The following RYR3 variants were observed in gnomAD, a reference collection of about 807,000 sequenced individuals.
RYR3 encodes ryanodine receptor 3, also known as brain ryanodine receptor-calcium release channel.
RYR3 carries 207 observed loss-of-function variants against 584.3 expected under a neutral mutation model. That is an observed-to-expected ratio of 0.35 (90% CI 0.32 to 0.40). The LOEUF is 0.40. Among genes scored for constraint, RYR3 ranks in the 10% least tolerant of loss-of-function variants. The pLI is 1.00. For synonymous variants in RYR3, 2,416 were observed against 2,248.5 expected (o/e 1.07, Z -2.11); for missense variants, 5,616 against 6,089.2 (o/e 0.92, Z 2.59).
chr15:33,319,017 C>T (rs1264557918), intron 1 of RYR3, among the ~76,000 whole-genome samples: 1 of 152,212 alleles, frequency 6.6e-6, no homozygotes, highest in East Asian at 1.9e-4. Flanking sequence ...TATCCCCTAA[C>T]AGAGCAAATA....
At chr15:33,748,426 G>A (rs368980578) in intron 54 of RYR3, 42 bp from the exon 55 acceptor site, 1 of 1,598,860 alleles carries the variant, frequency 6.3e-7, no homozygotes, top group African/African-American at 1.3e-5. Context: ...TAAGAACAAG[G>A]AAAATAATGG....
At chr15:33,689,643 A>G (rs1393363209) in intron 38 of RYR3, among the ~76,000 whole-genome samples, 1 of 152,140 alleles carries the variant, frequency 6.6e-6, no homozygotes, top group Admixed American at 6.5e-5. Flanking sequence ...ATGGAGGCTT[A>G]TTCTAGAAAT....
intron 1 of RYR3, among the ~76,000 whole-genome samples, chr15:33,469,516 G>A (rs1346073507): frequency 2.6e-5 from 4 of 151,860 alleles, no homozygotes; most frequent in African/African-American, 9.7e-5. Flanking sequence ...CATTTGCTGT[G>A]ATACAGGAAA....
At chr15:33,516,190 C>G (rs527560774) in intron 3 of RYR3, among the ~76,000 whole-genome samples, 1 of 152,030 alleles carries the variant, frequency 6.6e-6, no homozygotes, top group Non-Finnish European at 1.5e-5. Context: ...TTTCTGTATT[C>G]CAGCTTCCCC....
intron 38 of RYR3, among the ~76,000 whole-genome samples, chr15:33,677,180 T>A (rs1033022967): frequency 6.6e-6 from 1 of 152,118 alleles, no homozygotes; most frequent in Non-Finnish European, 1.5e-5. Context: ...GGACCCACAC[T>A]CTTTCCAGAG....
chr15:33,533,515 A>T, intron 5 of RYR3, 126 bp downstream of exon 5: 1 of 619,464 alleles, frequency 1.6e-6, no homozygotes, highest in Admixed American at 2.6e-5. Context: ...ATAGGTCTGA[A>T]AAAAAATTGC....
At chr15:33,833,655 A>T (rs2077839550) in intron 86 of RYR3, among the ~76,000 whole-genome samples, 1 of 152,236 alleles carries the variant, frequency 6.6e-6, no homozygotes, top group Non-Finnish European at 1.5e-5. Context: ...GCACGAACCC[A>T]AAAGTAAAGG....
rs771903948 is a variant in RYR3, at chr15:33,473,527, T to G, written c.160T>G (p.Ser54Ala). 5.6e-6 allele frequency: 9 copies of G among 1,613,888 alleles called. No homozygotes were observed. The highest frequency in any genetic ancestry group is 7.6e-6 in the Non-Finnish European group (9 of 1,179,876). Reference sequence around the variant, plus strand: ...TCGCCTGTGCTTCTTGGAACCCACTTCAGAAGCCAAGGTGAGATTGGCTGT... The same window carrying G: ...TCGCCTGTGCTTCTTGGAACCCACTGCAGAAGCCAAGGTGAGATTGGCTGT... Reference protein sequence around the residue: ...GNRLCFLEPTSEAKYIPPDLC... With the variant: ...GNRLCFLEPTAEAKYIPPDLC... Residue 54 changes from serine (S) to alanine (A), a missense_variant, in exon 2 of 104, where the codon TCA (serine) becomes GCA (alanine). Physicochemically the swap from Ser to Ala is moderately conservative, Grantham distance 99. Coordinates refer to ENST00000634891, the MANE Select transcript of RYR3 (RefSeq NM_001036.6).
intron 1 of RYR3, among the ~76,000 whole-genome samples, chr15:33,436,589 C>T (rs1326370026): frequency 6.6e-6 from 1 of 151,746 alleles, no homozygotes; most frequent in Non-Finnish European, 1.5e-5. Context: ...CAACCTCCGC[C>T]TCCCGGGTTC....
intron 1 of RYR3, among the ~76,000 whole-genome samples, chr15:33,431,571 T>A (rs560874787): frequency 6.6e-5 from 10 of 152,078 alleles, no homozygotes; most frequent in Admixed American, 3.9e-4. Flanking sequence ...GAGACCAGCT[T>A]GGGCAACATG....
chr15:33,670,594 T>A (rs771616935), intron 38 of RYR3, 38 bp downstream of exon 38: 9 of 1,521,824 alleles, frequency 5.9e-6, no homozygotes, highest in Non-Finnish European at 7.9e-6. Context: ...TGTGCTCTTC[T>A]AAGACTTAAT....
intron 43 of RYR3, among the ~76,000 whole-genome samples, chr15:33,720,201 AG>A (rs2067808297): frequency 6.6e-6 from 1 of 152,226 alleles, no homozygotes; most frequent in South Asian, 2.1e-4. Context: ...ACAGTGCAAA[AG>A]CTTGAGTGAT....
intron 103 of RYR3, 44 bp downstream of exon 103, chr15:33,864,233 C>CTA: frequency 6.7e-7 from 1 of 1,499,722 alleles, no homozygotes; most frequent in Non-Finnish European, 9.2e-7. Context: ...TCTCCCTTTC[C>CTA]TAAATCTTGA....
chr15:33,467,598 C>T (rs2048590671), intron 1 of RYR3: 1 of 375,092 alleles, frequency 2.7e-6, no homozygotes, highest in Non-Finnish European at 3.7e-6. Context: ...TCAGAGATGA[C>T]CTGTGACAAT....
chr15:33,554,566 G>A (rs2056941788), intron 10 of RYR3, among the ~76,000 whole-genome samples: 1 of 152,130 alleles, frequency 6.6e-6, no homozygotes, highest in African/African-American at 2.4e-5. Context: ...AAAGTGCTGG[G>A]ATTACAGGCG....
chr15:33,810,712 C>T lies in RYR3; in HGVS notation c.10197+63C>T, dbSNP rs1357026881. On this transcript the variant is annotated intron_variant, in intron 71 of 103. Coordinates refer to ENST00000634891, the MANE Select transcript of RYR3 (RefSeq NM_001036.6). ...ACATGGTGCAGTGATAAGCATTCAGCCCCTGAAGGGTTAGTCCTCCTCCCC... is the reference window on the plus strand; with the variant it reads ...ACATGGTGCAGTGATAAGCATTCAGTCCCTGAAGGGTTAGTCCTCCTCCCC... 4 of 1,597,762 alleles carry T rather than the reference C, an allele frequency of 2.5e-6. No homozygotes were observed. In the Admixed American group the frequency reaches 6.7e-5, roughly 27 times the overall value.
At position 33,785,793 on chromosome 15, in the gene RYR3, A is replaced by G; in HGVS notation, c.9400A>G (p.Ile3134Val). ...AGAGATGCCCCATGTCATCGAGGTG[A>G]TCTTACCCATGCTCTGCAACTACTT... Reference protein sequence around the residue: ...YTEMPHVIEVILPMLCNYLSY... With the variant: ...YTEMPHVIEVVLPMLCNYLSY... Residue 3134 changes from isoleucine (I) to valine (V), a missense_variant, in exon 66 of 104, where the codon ATC becomes GTC. Transcript: ENST00000634891. The G allele has an allele frequency of 1.9e-6, 3 of 1,613,926 alleles. No homozygotes were observed. Among genetic ancestry groups the G allele is most frequent in the Non-Finnish European group, 2.5e-6 (3 of 1,179,870 alleles).
chr15:33,829,769 A>T (rs368424027), intron 85 of RYR3, among the ~76,000 whole-genome samples: 247 of 123,806 alleles, frequency 2.0e-3, no homozygotes, highest in South Asian at 7.8e-3. Context: ...AAAAAAAAAA[A>T]TTTTGATTCA....
At chr15:33,362,136 G>C (rs1384978760) in intron 1 of RYR3, among the ~76,000 whole-genome samples, 3 of 152,142 alleles carry the variant, frequency 2.0e-5, no homozygotes, top group East Asian at 3.8e-4. Flanking sequence ...TGCCCCCTGC[G>C]GTGTGTTGCC....
Sources: allele counts gnomAD v4.1 joint callset (sites outside exome capture counted in the v4.1 genomes callset), GRCh38; gene constraint gnomAD v4.1.1; transcripts MANE v1.5; gene names NCBI Gene and HGNC (gene_info 2026-07-23, HGNC 2026-07-21).